CCDC148: variants seen among roughly 807,000 people sequenced by gnomAD.
CCDC148 encodes the protein coiled-coil domain-containing protein 148.
A neutral mutation model predicts 85.7 loss-of-function variants in CCDC148; 89 were observed. The ratio of observed to expected loss-of-function variants is 1.04; its 90% CI spans 0.87 to 1.24. CCDC148 has a LOEUF of 1.24. CCDC148 is among the 50% of genes most tolerant of loss of function. CCDC148 has a pLI of 0.00. For missense variants in CCDC148, 692 were observed against 671.7 expected, an observed-to-expected ratio of 1.03 and a Z score of -0.33; for synonymous variants, 230 against 213.9, an observed-to-expected ratio of 1.08 and a Z score of -0.66.
At chr2:158,276,005 G>A (rs1689924099) in intron 9 of CCDC148, among the ~76,000 whole-genome samples, 1 of 151,702 alleles carries the variant, frequency 6.6e-6, no homozygotes, top group Non-Finnish European at 1.5e-5. Context: ...AAAAAAAAGA[G>A]TAAATGGATT....
At chr2:158,326,546 A>G (rs1025132947) in intron 7 of CCDC148, among the ~76,000 whole-genome samples, 10 of 152,140 alleles carry the variant, frequency 6.6e-5, no homozygotes, top group African/African-American at 2.4e-4. Flanking sequence ...TCATATCTTC[A>G]TCTCATTTGC....
At chr2:158,438,450 C>A (rs1244777895) in intron 1 of CCDC148, among the ~76,000 whole-genome samples, 1 of 152,182 alleles carries the variant, frequency 6.6e-6, no homozygotes, top group Non-Finnish European at 1.5e-5. Flanking sequence ...GGATCCCTTC[C>A]TTACACCTTA....
intron 1 of CCDC148, among the ~76,000 whole-genome samples, chr2:158,378,625 GA>G (rs1684750446): frequency 6.6e-6 from 1 of 152,152 alleles, no homozygotes; most frequent in Admixed American, 6.6e-5. Context: ...AGGACAGGCT[GA>G]CTTTCTTGTT....
At position 158,231,658 on chromosome 2, in the gene CCDC148, G is replaced by A. The variant is rs117263465; in HGVS notation, c.1252-10945C>T. Among the ~76,000 whole-genome samples, 4 of 152,218 alleles carry A rather than the reference G, an allele frequency of 2.6e-5. No individual in the cohort carries two copies. The East Asian group carries it at 7.7e-4, about 29-fold the overall frequency. On this transcript the variant is annotated intron_variant, in intron 10 of 13. Transcript: ENST00000283233. ...GCATTATTTGTGTATTCTTAACACA[G>A]CATTTCCCATATTAATCTGCATTGT...
At chr2:158,289,876 G>A (rs1009530102) in intron 9 of CCDC148, among the ~76,000 whole-genome samples, 15 of 152,134 alleles carry the variant, frequency 9.9e-5, no homozygotes, top group African/African-American at 3.6e-4. Context: ...ACAAAATATT[G>A]GGGGAAAGAT....
At chr2:158,281,533 T>C (rs1034777026) in intron 9 of CCDC148, among the ~76,000 whole-genome samples, 1 of 151,888 alleles carries the variant, frequency 6.6e-6, no homozygotes, top group African/African-American at 2.4e-5. Context: ...CCAGAAGAAA[T>C]GGATAAATTC....
chr2:158,444,785 GAA>G (rs11433320), intron 1 of CCDC148, among the ~76,000 whole-genome samples: 5,686 of 66,346 alleles, frequency 0.086, 79 homozygotes, highest in Middle Eastern at 0.13. Flanking sequence ...ACCCTGTCTT[GAA>G]AAAAAAAAAA....
chr2:158,313,692 C>T, intron 8 of CCDC148, 64 bp downstream of exon 8: 5 of 1,472,806 alleles, frequency 3.4e-6, no homozygotes, highest in Non-Finnish European at 4.6e-6. Context: ...ATGTACATTG[C>T]TTAATAATTA....
At chr2:158,390,828 A>G (rs535782459) in intron 1 of CCDC148, among the ~76,000 whole-genome samples, 29 of 152,274 alleles carry the variant, frequency 1.9e-4, no homozygotes, top group Non-Finnish European at 4.0e-4. Context: ...TGTAACTAAG[A>G]ATCCTGACAA....
chr2:158,434,806 T>C (rs905467713), intron 1 of CCDC148, among the ~76,000 whole-genome samples: 3 of 152,152 alleles, frequency 2.0e-5, no homozygotes, highest in African/African-American at 7.2e-5. Flanking sequence ...CTGAAAACCA[T>C]GGCATGAGAA....
At chr2:158,314,053 C>T (rs1012925266) in intron 7 of CCDC148, among the ~76,000 whole-genome samples, 159 bp from the exon 8 acceptor site, 5 of 135,888 alleles carry the variant, frequency 3.7e-5, no homozygotes, top group Admixed American at 7.0e-5. Flanking sequence ...TTCAGAAAAG[C>T]TTCTAAATTC....
At chr2:158,221,310 A>C (rs533577958) in intron 10 of CCDC148, among the ~76,000 whole-genome samples, 2 of 152,264 alleles carry the variant, frequency 1.3e-5, no homozygotes, top group South Asian at 4.1e-4. Flanking sequence ...AAAAAGGTGA[A>C]AGCAGTGTTA....
At chr2:158,428,372 T>C (rs1007003044) in intron 1 of CCDC148, among the ~76,000 whole-genome samples, 7 of 152,104 alleles carry the variant, frequency 4.6e-5, no homozygotes, top group Non-Finnish European at 8.8e-5. Context: ...CCTCATTTCT[T>C]AACAGCACAA....
chr2:158,385,984 GC>G (rs1394807005), intron 1 of CCDC148, among the ~76,000 whole-genome samples: 2 of 152,040 alleles, frequency 1.3e-5, no homozygotes, highest in East Asian at 1.9e-4. Flanking sequence ...GTGGGGTCTG[GC>G]CTCTCACTCC....
intron 11 of CCDC148, among the ~76,000 whole-genome samples, chr2:158,188,402 A>G (rs895727890): frequency 6.6e-6 from 1 of 151,998 alleles, no homozygotes; most frequent in Non-Finnish European, 1.5e-5. Flanking sequence ...ATCTAAAAAT[A>G]ATGACTTTGA....
chr2:158,317,430 C>T (rs1185802645), intron 7 of CCDC148, among the ~76,000 whole-genome samples: 2 of 152,100 alleles, frequency 1.3e-5, no homozygotes, highest in African/African-American at 4.8e-5. Flanking sequence ...CATCCCCTGC[C>T]CCACAATATA....
At chr2:158,418,801 A>C (rs1476937258) in intron 1 of CCDC148, among the ~76,000 whole-genome samples, 26 of 152,028 alleles carry the variant, frequency 1.7e-4, no homozygotes, top group Non-Finnish European at 1.5e-5. Context: ...TCATATATAT[A>C]TCTCTTAGAA....
intron 10 of CCDC148, among the ~76,000 whole-genome samples, chr2:158,243,769 A>G: frequency 6.6e-6 from 1 of 152,206 alleles, no homozygotes; most frequent in Non-Finnish European, 1.5e-5. Context: ...TTTCCAATCT[A>G]GATAGGTCAA....
At chr2:158,378,393 G>T (rs1031910865) in intron 1 of CCDC148, among the ~76,000 whole-genome samples, 8 of 152,126 alleles carry the variant, frequency 5.3e-5, no homozygotes, top group African/African-American at 1.9e-4. Context: ...TTTAAGGAAG[G>T]TTGCTGTATT....
Sources: gnomAD v4.1 joint callset for allele counts (sites outside exome capture counted in the v4.1 genomes callset) on GRCh38, gnomAD v4.1.1 for gene constraint, MANE v1.5 for transcripts, NCBI Gene and HGNC (gene_info 2026-07-23, HGNC 2026-07-21) for gene names.